The following NKAIN2 variants were observed in gnomAD, a reference collection of about 807,000 sequenced individuals.
NKAIN2 encodes sodium/potassium transporting ATPase interacting 2, also known as sodium/potassium-transporting ATPase subunit beta-1-interacting protein 2.
In NKAIN2, 14 loss-of-function variants were observed where a neutral mutation model predicts 32.6. That is an observed-to-expected ratio of 0.43 (90% confidence interval 0.28 to 0.67). The LOEUF is 0.67. Ranked by LOEUF, NKAIN2 falls within the 30% of genes least tolerant of loss-of-function variation. The pLI is 0.17. For synonymous variants in NKAIN2, 80 were observed against 87.2 expected (o/e 0.92, Z 0.46); for missense variants, 198 against 258.3 (o/e 0.77, Z 1.60).
intron 4 of NKAIN2, among the ~76,000 whole-genome samples, chr6:124,745,515 TTG>T (rs1369291830): frequency 6.6e-6 from 1 of 151,926 alleles, no homozygotes; most frequent in African/African-American, 2.4e-5. Context: ...TAATTTTAAA[TTG>T]TCTTTTTTCT....
intron 1 of NKAIN2, among the ~76,000 whole-genome samples, chr6:123,901,541 T>A (rs1774586354): frequency 6.6e-6 from 1 of 152,198 alleles, no homozygotes; most frequent in Non-Finnish European, 1.5e-5. Context: ...ATTCTAAGAT[T>A]CCTGTCACTG....
At chr6:124,125,298 A>G (rs756905039) in intron 1 of NKAIN2, among the ~76,000 whole-genome samples, 13 of 152,100 alleles carry the variant, frequency 8.5e-5, no homozygotes, top group Non-Finnish European at 1.8e-4. Flanking sequence ...CACACTGTGG[A>G]TGTGGATTAT....
intron 1 of NKAIN2, among the ~76,000 whole-genome samples, chr6:123,864,396 C>T (rs1374679707): frequency 2.0e-5 from 3 of 152,170 alleles, no homozygotes; most frequent in Non-Finnish European, 4.4e-5. Flanking sequence ...TGTTTATTGA[C>T]TTTATTCCTC....
intron 2 of NKAIN2, among the ~76,000 whole-genome samples, chr6:124,339,079 A>G (rs778485134): frequency 6.6e-6 from 1 of 152,216 alleles, no homozygotes; most frequent in Non-Finnish European, 1.5e-5. Context: ...GCAGTGGCTC[A>G]TGCCTGTAAT....
At chr6:124,731,644 G>A (rs1337816321) in intron 4 of NKAIN2, among the ~76,000 whole-genome samples, 1 of 150,902 alleles carries the variant, frequency 6.6e-6, no homozygotes, top group Non-Finnish European at 1.5e-5. Flanking sequence ...CACCAGCATG[G>A]CACATGTATA....
At chr6:124,775,368 A>ACTT (rs1778942047) in intron 4 of NKAIN2, among the ~76,000 whole-genome samples, 2 of 152,290 alleles carry the variant, frequency 1.3e-5, no homozygotes, top group African/African-American at 4.8e-5. Flanking sequence ...CCTCAAAGGA[A>ACTT]CTTCTGTTCG....
intron 2 of NKAIN2, among the ~76,000 whole-genome samples, chr6:124,296,680 C>T (rs1158694655): frequency 3.3e-5 from 5 of 152,076 alleles, no homozygotes; most frequent in Admixed American, 2.0e-4. Flanking sequence ...CTATTATTTC[C>T]ATGTTTTCAA....
At chr6:124,358,226 A>C (rs996146153) in intron 3 of NKAIN2, among the ~76,000 whole-genome samples, 18 of 152,118 alleles carry the variant, frequency 1.2e-4, no homozygotes, top group African/African-American at 1.7e-4. Flanking sequence ...AATAGTGCCG[A>C]AATAAACATA....
intron 4 of NKAIN2, among the ~76,000 whole-genome samples, chr6:124,724,559 T>C (rs1293957572): frequency 6.6e-6 from 1 of 152,210 alleles, no homozygotes; most frequent in Non-Finnish European, 1.5e-5. Flanking sequence ...AAGATACTCA[T>C]CTACTTTTCA....
intron 1 of NKAIN2, among the ~76,000 whole-genome samples, chr6:124,059,889 T>C (rs1406109886): frequency 2.0e-5 from 3 of 152,164 alleles, no homozygotes; most frequent in Non-Finnish European, 4.4e-5. Context: ...CCCTTTTCTG[T>C]CATGGTGTTC....
chr6:124,466,366 G>A (rs996059475), intron 3 of NKAIN2, among the ~76,000 whole-genome samples: 2 of 152,054 alleles, frequency 1.3e-5, no homozygotes, highest in Non-Finnish European at 2.9e-5. Flanking sequence ...TAGGGAGCTG[G>A]ATTTTATTTT....
At chr6:123,812,878 T>G (rs1773536189) in intron 1 of NKAIN2, among the ~76,000 whole-genome samples, 1 of 152,240 alleles carries the variant, frequency 6.6e-6, no homozygotes, top group Admixed American at 6.5e-5. Context: ...AGGAATCAAA[T>G]TGGTACACCC....
intron 4 of NKAIN2, among the ~76,000 whole-genome samples, chr6:124,701,442 G>C (rs1013215987): frequency 1.3e-5 from 2 of 151,840 alleles, no homozygotes; most frequent in Non-Finnish European, 2.9e-5. Context: ...ATGTATTTTT[G>C]CGATTTGTTC....
At chr6:124,806,448 T>G (rs1166793521) in intron 5 of NKAIN2, among the ~76,000 whole-genome samples, 1 of 151,984 alleles carries the variant, frequency 6.6e-6, no homozygotes, top group Admixed American at 6.5e-5. Context: ...CTGAGAGATT[T>G]TGTCACCACC....
At chr6:123,886,305 T>C (rs1420165919) in intron 1 of NKAIN2, among the ~76,000 whole-genome samples, 1 of 152,074 alleles carries the variant, frequency 6.6e-6, no homozygotes, top group African/African-American at 2.4e-5. Flanking sequence ...TCTTTATAAG[T>C]ATATATTCAT....
chr6:124,340,910 A>C (rs571671947), intron 2 of NKAIN2, among the ~76,000 whole-genome samples: 3 of 152,168 alleles, frequency 2.0e-5, no homozygotes, highest in Non-Finnish European at 4.4e-5. Context: ...AGGTGTTTTC[A>C]TGCTGAATGA....
intron 3 of NKAIN2, among the ~76,000 whole-genome samples, chr6:124,423,658 T>C (rs1485705255): frequency 6.6e-6 from 1 of 152,174 alleles, no homozygotes; most frequent in Non-Finnish European, 1.5e-5. Context: ...AGAGCCCTCA[T>C]GGATGGGATT....
intron 3 of NKAIN2, among the ~76,000 whole-genome samples, chr6:124,493,196 G>T (rs138080291): frequency 2.6e-3 from 401 of 151,962 alleles, no homozygotes; most frequent in African/African-American, 9.1e-3. Context: ...TTACATTGGG[G>T]CTTTATTAAG....
At chr6:124,362,080 A>T (rs1799313408) in intron 3 of NKAIN2, among the ~76,000 whole-genome samples, 1 of 152,026 alleles carries the variant, frequency 6.6e-6, no homozygotes, top group Admixed American at 6.6e-5. Context: ...ATATATGAGC[A>T]ATTACTATTA....
Sources: gnomAD v4.1 joint callset for allele counts (sites outside exome capture counted in the v4.1 genomes callset) on GRCh38, gnomAD v4.1.1 for gene constraint, MANE v1.5 for transcripts, NCBI Gene and HGNC (gene_info 2026-07-23, HGNC 2026-07-21) for gene names.